DCUN1D4: variants seen among roughly 807,000 people sequenced by gnomAD.
DCUN1D4 encodes the protein defective in cullin neddylation 1 domain containing 4, also known as DCN1-like protein 4.
DCUN1D4 carries 22 observed loss-of-function variants against 47.9 expected under a neutral mutation model. The observed-to-expected ratio is 0.46, with a 90% CI of 0.33 to 0.66. DCUN1D4 has a LOEUF of 0.66. DCUN1D4 is among the 30% of genes least tolerant of loss of function. The pLI is 0.02. For synonymous variants in DCUN1D4, 121 were observed against 112.2 expected (o/e 1.08, Z -0.50); for missense variants, 301 against 340.8 (o/e 0.88, Z 0.92).
chr4:51,875,831 T>C (rs948594476), intron 4 of DCUN1D4, among the ~76,000 whole-genome samples: 1 of 152,238 alleles, frequency 6.6e-6, no homozygotes, highest in African/African-American at 2.4e-5. Flanking sequence ...CGTTGTATGC[T>C]CTTGGTTCTT....
upstream of DCUN1D4, among the ~76,000 whole-genome samples, chr4:51,838,154 C>T (rs976592511): frequency 1.3e-5 from 2 of 152,132 alleles, no homozygotes; most frequent in African/African-American, 4.8e-5. Context: ...CCTGGGTTCT[C>T]AGTGATATAT....
At chr4:51,886,535 C>T in intron 5 of DCUN1D4, 33 bp from the exon 6 acceptor site, 1 of 1,592,080 alleles carries the variant, frequency 6.3e-7, no homozygotes, top group Non-Finnish European at 8.6e-7. Flanking sequence ...TGTGCATGGT[C>T]AGATTTAATT....
At chr4:51,843,306 C>T in intron 1 of DCUN1D4, 39 bp downstream of exon 1, 2 of 1,504,376 alleles carry the variant, frequency 1.3e-6, no homozygotes, top group Non-Finnish European at 1.8e-6. Context: ...CGGGGCCGGG[C>T]GGCTGCCAAA....
At chr4:51,888,803 G>T (rs151322238) in intron 6 of DCUN1D4, among the ~76,000 whole-genome samples, 1 of 148,432 alleles carries the variant, frequency 6.7e-6, no homozygotes, top group Non-Finnish European at 1.5e-5. Context: ...AAGACTAAAA[G>T]ACCATATTAT....
intron 5 of DCUN1D4, among the ~76,000 whole-genome samples, chr4:51,885,472 AC>A (rs1729327032): frequency 6.6e-6 from 1 of 152,178 alleles, no homozygotes; most frequent in South Asian, 2.1e-4. Flanking sequence ...ATATCGAGAG[AC>A]ATTGGGCTCC....
At chr4:51,887,354 C>A (rs1189387622) in intron 6 of DCUN1D4, 1 of 239,494 alleles carries the variant, frequency 4.2e-6, no homozygotes, top group Non-Finnish European at 8.4e-6. Context: ...CCCGGCTCAG[C>A]CTCCCAAAGT....
At chr4:51,851,697 G>A (rs1224696928) in intron 1 of DCUN1D4, among the ~76,000 whole-genome samples, 1 of 152,184 alleles carries the variant, frequency 6.6e-6, no homozygotes, top group African/African-American at 2.4e-5. Flanking sequence ...GGGGAATGGG[G>A]AGGGACTAAC....
intron 6 of DCUN1D4, among the ~76,000 whole-genome samples, chr4:51,889,244 A>G (rs1730047186): frequency 6.6e-6 from 1 of 152,234 alleles, no homozygotes. Flanking sequence ...GATGTGCTAT[A>G]TCAATTGTGG....
At chr4:51,891,449 A>AT (rs776933357) in intron 6 of DCUN1D4, among the ~76,000 whole-genome samples, 1 of 152,222 alleles carries the variant, frequency 6.6e-6, no homozygotes, top group Non-Finnish European at 1.5e-5. Context: ...CATGGGTGGA[A>AT]TTGTCAATAA....
At chr4:51,874,511 T>A in intron 4 of DCUN1D4, 126 bp downstream of exon 4, 1 of 511,388 alleles carries the variant, frequency 2.0e-6, no homozygotes, top group Non-Finnish European at 3.4e-6. Context: ...CCAGTCGATT[T>A]TTCAAAATGT....
chr4:51,848,507 A>G (rs1426796721), intron 1 of DCUN1D4: 2 of 652,372 alleles, frequency 3.1e-6, no homozygotes, highest in East Asian at 1.3e-4. Context: ...TTACAGAGTA[A>G]AATTTTCTTT....
intron 1 of DCUN1D4, among the ~76,000 whole-genome samples, chr4:51,861,099 A>T (rs1003083972): frequency 6.6e-6 from 1 of 152,222 alleles, no homozygotes; most frequent in Non-Finnish European, 1.5e-5. Flanking sequence ...TAGGTGTCTG[A>T]TAAATATTTT....
chr4:51,881,229 G>T (rs574609682), intron 5 of DCUN1D4, among the ~76,000 whole-genome samples: 84 of 152,290 alleles, frequency 5.5e-4, no homozygotes, highest in Middle Eastern at 3.4e-3. Flanking sequence ...ATACACAGGT[G>T]CCAACATTGG....
At chr4:51,848,163 T>A (rs1419844497) in intron 1 of DCUN1D4, 2 of 1,276,162 alleles carry the variant, frequency 1.6e-6, no homozygotes, top group Admixed American at 2.3e-5. Context: ...TTAGACAAAG[T>A]CAGTTGTATG....
intron 1 of DCUN1D4, among the ~76,000 whole-genome samples, chr4:51,850,535 C>A (rs1723216317): frequency 6.6e-6 from 1 of 152,092 alleles, no homozygotes; most frequent in Non-Finnish European, 1.5e-5. Context: ...GCTTCAGAGC[C>A]CTCATGCCTA....
At chr4:51,872,254 C>A (rs1253476553) in intron 3 of DCUN1D4, among the ~76,000 whole-genome samples, 1 of 152,152 alleles carries the variant, frequency 6.6e-6, no homozygotes, top group Non-Finnish European at 1.5e-5. Flanking sequence ...GTGATGGAAG[C>A]CCAGATATGA....
chr4:51,874,016 T>C (rs1198923958), intron 3 of DCUN1D4, among the ~76,000 whole-genome samples: 3 of 152,212 alleles, frequency 2.0e-5, no homozygotes, highest in South Asian at 2.1e-4. Context: ...GGAGAGTAAA[T>C]TGAAATTATA....
chr4:51,862,169 T>G (rs1725172231), intron 1 of DCUN1D4, among the ~76,000 whole-genome samples: 1 of 152,240 alleles, frequency 6.6e-6, no homozygotes, highest in Non-Finnish European at 1.5e-5. Context: ...GGGACCATTC[T>G]ATATGGCTAT....
intron 1 of DCUN1D4, among the ~76,000 whole-genome samples, chr4:51,855,422 A>G (rs1723985660): frequency 6.6e-6 from 1 of 152,216 alleles, no homozygotes. Flanking sequence ...GGTAAGTGCT[A>G]TGAAAAAAAT....
Sources: gnomAD v4.1 joint callset for allele counts (sites outside exome capture counted in the v4.1 genomes callset) on GRCh38, gnomAD v4.1.1 for gene constraint, MANE v1.5 for transcripts, NCBI Gene and HGNC (gene_info 2026-07-23, HGNC 2026-07-21) for gene names.